MAP4K3: variants seen among roughly 807,000 people sequenced by gnomAD.
MAP4K3 encodes MAPK/ERK kinase kinase kinase 3.
Under a neutral mutation model 143.5 loss-of-function variants are expected in MAP4K3, and 94 were observed. The ratio of observed to expected loss-of-function variants is 0.65; its 90% CI spans 0.55 to 0.78. The LOEUF is 0.78. MAP4K3 is among the 30% of genes least tolerant of loss of function. The probability of loss-of-function intolerance (pLI) is 0.00; values close to 1 mark genes in which losing one functional copy is unlikely to be tolerated. For synonymous variants in MAP4K3, 416 were observed against 347.2 expected, an observed-to-expected ratio of 1.20 and a Z score of -2.20; for missense variants, 1,077 against 1,068.1, an observed-to-expected ratio of 1.01 and a Z score of -0.12.
At chr2:39,251,489 A>G (rs1182915472) in intron 33 of MAP4K3, among the ~76,000 whole-genome samples, 1 of 152,118 alleles carries the variant, frequency 6.6e-6, no homozygotes, top group Non-Finnish European at 1.5e-5. Context: ...ACCCTGACCA[A>G]TGTCTTACAG....
At chr2:39,269,712 A>T (rs1164416845) in intron 26 of MAP4K3, among the ~76,000 whole-genome samples, 1 of 152,084 alleles carries the variant, frequency 6.6e-6, no homozygotes, top group East Asian at 1.9e-4. Flanking sequence ...GTGAATCAAA[A>T]CGTTTTTCAC....
chr2:39,412,740 T>C (rs1667265733), intron 1 of MAP4K3, among the ~76,000 whole-genome samples: 1 of 152,204 alleles, frequency 6.6e-6, no homozygotes, highest in South Asian at 2.1e-4. Context: ...TTTAAATGCT[T>C]TGTTATTTAA....
chr2:39,343,663 C>T (rs976535059), intron 3 of MAP4K3, among the ~76,000 whole-genome samples: 4 of 152,078 alleles, frequency 2.6e-5, no homozygotes, highest in Admixed American at 2.6e-4. Flanking sequence ...TTATAATACA[C>T]CATTTGTTGG....
chr2:39,342,507 T>C (rs1327176697), intron 4 of MAP4K3, among the ~76,000 whole-genome samples: 1 of 152,222 alleles, frequency 6.6e-6, no homozygotes, highest in Admixed American at 6.5e-5. Flanking sequence ...TATTAAGTTT[T>C]CTAAAATGAT....
intron 12 of MAP4K3, among the ~76,000 whole-genome samples, chr2:39,319,228 AC>A (rs1683219526): frequency 6.6e-6 from 1 of 151,304 alleles, no homozygotes; most frequent in African/African-American, 2.4e-5. Flanking sequence ...TCAATTACAT[AC>A]TTTTTTTTTT....
chr2:39,317,074 A>G (rs1028446273), intron 12 of MAP4K3, among the ~76,000 whole-genome samples: 1 of 152,162 alleles, frequency 6.6e-6, no homozygotes, highest in Non-Finnish European at 1.5e-5. Flanking sequence ...ATATAGACCA[A>G]TGGAACAGAA....
Position 39,369,193 on chromosome 2 carries a change from G to GTTTTTTTGTTTGTTTTTTTTTTTTTT in MAP4K3, c.154+8872_154+8873insAAAAAAAAAAAAAACAAACAAAAAAA, listed in dbSNP as rs747293878. On this transcript the variant is annotated intron_variant, in intron 2 of 33. Coordinates refer to ENST00000263881, the MANE Select transcript of MAP4K3 (RefSeq NM_003618.4). Reference sequence around the variant, plus strand: ...GGGTAAAATCTAAACCTTTGGGCTAGTTTTTTTTTTTGTTTTTTTTGAGAT... The same window carrying GTTTTTTTGTTTGTTTTTTTTTTTTTT: ...GGGTAAAATCTAAACCTTTGGGCTAGTTTTTTTGTTTGTTTTTTTTTTTTTTTTTTTTTTTTTGTTTTTTTTGAGAT... Among the ~76,000 whole-genome samples the GTTTTTTTGTTTGTTTTTTTTTTTTTT allele has an allele frequency of 5.3e-4, 20 of 37,942 alleles. 2 individuals carry two copies. The highest frequency in any genetic ancestry group is 2.7e-3 in the South Asian group (2 of 730). The allele number at this position is 37,942 out of a possible 152,430, so 24.9% of individuals were successfully genotyped here.
At chr2:39,296,056 G>A (rs1682270613) in intron 16 of MAP4K3, among the ~76,000 whole-genome samples, 1 of 152,010 alleles carries the variant, frequency 6.6e-6, no homozygotes, top group African/African-American at 2.4e-5. Flanking sequence ...AATCTTTCTG[G>A]GAGTTCTCTA....
rs569504646 is a variant in MAP4K3, at chr2:39,302,945, CAA to C, written c.1120-3146_1120-3145del. 5 of 165,812 alleles carry C rather than the reference CAA, an allele frequency of 3.0e-5. No homozygotes were observed. In the East Asian group the frequency reaches 7.7e-4, roughly 26 times the overall value. The allele number at this position is 165,812 out of a possible 1,614,324, so 10.3% of individuals were successfully genotyped here. The stretch of plus-strand genomic sequence containing the variant: ...ATTTCAGATGGAATTTCTAAGAACA[CAA>C]AGTGTGAGAAAGAACTGAAAATGAA... On this transcript the variant is annotated intron_variant, in intron 15 of 33. Coordinates refer to ENST00000263881, the MANE Select transcript of MAP4K3 (RefSeq NM_003618.4).
intron 29 of MAP4K3, 52 bp downstream of exon 29, chr2:39,260,554 T>A (rs1024609069): frequency 1.3e-6 from 2 of 1,490,748 alleles, no homozygotes; most frequent in African/African-American, 2.8e-5. Flanking sequence ...AACTTACTAC[T>A]TATAAAACCA....
chr2:39,377,433 G>C (rs998166464), intron 2 of MAP4K3, among the ~76,000 whole-genome samples: 3 of 151,974 alleles, frequency 2.0e-5, no homozygotes, highest in Non-Finnish European at 1.5e-5. Flanking sequence ...GTTTCTAAGA[G>C]AGAATAAACA....
chr2:39,358,506 T>A (rs909490721), intron 2 of MAP4K3, among the ~76,000 whole-genome samples: 1 of 152,230 alleles, frequency 6.6e-6, no homozygotes, highest in Non-Finnish European at 1.5e-5. Flanking sequence ...ATAGAATGTA[T>A]TAGTGGCTTT....
chr2:39,377,510 G>A (rs1278058804), intron 2 of MAP4K3, among the ~76,000 whole-genome samples: 2 of 152,048 alleles, frequency 1.3e-5, no homozygotes, highest in Non-Finnish European at 2.9e-5. Context: ...AAAGAACATA[G>A]TTGAAGCAGA....
At chr2:39,358,944 T>C (rs1001934432) in intron 2 of MAP4K3, among the ~76,000 whole-genome samples, 3 of 152,178 alleles carry the variant, frequency 2.0e-5, no homozygotes, top group African/African-American at 4.8e-5. Context: ...ATTCCACTCC[T>C]GGCCCCTCCC....
chr2:39,276,428 G>C (rs892582365), intron 24 of MAP4K3, among the ~76,000 whole-genome samples: 2 of 152,104 alleles, frequency 1.3e-5, no homozygotes, highest in Non-Finnish European at 2.9e-5. Context: ...TCTTTCTCTA[G>C]GTCCAGCATT....
chr2:39,422,867 G>C (rs1664917327), intron 1 of MAP4K3, among the ~76,000 whole-genome samples: 1 of 152,092 alleles, frequency 6.6e-6, no homozygotes, highest in Admixed American at 6.6e-5. Context: ...CCATGGTCTA[G>C]CATTGAGTTT....
intron 26 of MAP4K3, among the ~76,000 whole-genome samples, chr2:39,267,628 A>C (rs980500423): frequency 6.6e-6 from 1 of 150,818 alleles, no homozygotes; most frequent in African/African-American, 2.4e-5. Context: ...AGCCGAGAGC[A>C]CACCATTGCA....
At chr2:39,416,654 A>G (rs1159411293) in intron 1 of MAP4K3, among the ~76,000 whole-genome samples, 1 of 152,234 alleles carries the variant, frequency 6.6e-6, no homozygotes, top group Non-Finnish European at 1.5e-5. Flanking sequence ...TTGACTATTT[A>G]AAGAAATTTA....
intron 1 of MAP4K3, among the ~76,000 whole-genome samples, chr2:39,410,572 C>T (rs1411025443): frequency 6.6e-6 from 1 of 152,114 alleles, no homozygotes; most frequent in African/African-American, 2.4e-5. Context: ...AACACATACA[C>T]AAGTGTGTGC....
Sources: gnomAD v4.1 joint callset for allele counts (sites outside exome capture counted in the v4.1 genomes callset) on GRCh38, gnomAD v4.1.1 for gene constraint, MANE v1.5 for transcripts, NCBI Gene and HGNC (gene_info 2026-07-23, HGNC 2026-07-21) for gene names.